CDKAL1: variants seen among roughly 807,000 people sequenced by gnomAD.
The protein encoded by CDKAL1 is threonylcarbamoyladenosine tRNA methylthiotransferase.
Under a neutral mutation model 68.2 loss-of-function variants are expected in CDKAL1, and 32 were observed. That is an observed-to-expected ratio of 0.47 (90% CI 0.35 to 0.63). The LOEUF is 0.63. Ranked by LOEUF, CDKAL1 falls within the 30% of genes least tolerant of loss-of-function variation. The probability of loss-of-function intolerance (pLI) is 0.00; values close to 1 mark genes in which losing one functional copy is unlikely to be tolerated. For missense variants in CDKAL1, 606 were observed against 696.7 expected (o/e 0.87, Z 1.47); for synonymous variants, 234 against 244.3 (o/e 0.96, Z 0.39).
chr6:21,013,669 C>T (rs1768143817), intron 11 of CDKAL1, among the ~76,000 whole-genome samples: 1 of 152,196 alleles, frequency 6.6e-6, no homozygotes, highest in Non-Finnish European at 1.5e-5. Flanking sequence ...CTTCCAAGTT[C>T]TGCAGGGGAC....
chr6:21,135,161 G>A (rs1467028395), intron 13 of CDKAL1, among the ~76,000 whole-genome samples: 2 of 152,130 alleles, frequency 1.3e-5, no homozygotes, highest in African/African-American at 2.4e-5. Context: ...TTAAAAACAG[G>A]TTCATACTGA....
intron 13 of CDKAL1, among the ~76,000 whole-genome samples, chr6:21,141,497 C>T (rs28665959): frequency 3.3e-5 from 5 of 152,186 alleles, no homozygotes; most frequent in Non-Finnish European, 5.9e-5. Flanking sequence ...TATGTCCCCG[C>T]GATTCACTCA....
intron 5 of CDKAL1, among the ~76,000 whole-genome samples, chr6:20,707,368 C>T (rs142737168): frequency 6.6e-6 from 1 of 152,242 alleles, no homozygotes; most frequent in African/African-American, 2.4e-5. Context: ...AAAACAAATC[C>T]TTTTAAAAGT....
At chr6:20,839,573 G>T (rs1778092507) in intron 8 of CDKAL1, among the ~76,000 whole-genome samples, 1 of 152,024 alleles carries the variant, frequency 6.6e-6, no homozygotes. Flanking sequence ...TTCTCTTGTT[G>T]CATAGTCTGC....
At chr6:20,696,236 A>C (rs1290307829) in intron 5 of CDKAL1, among the ~76,000 whole-genome samples, 1 of 152,244 alleles carries the variant, frequency 6.6e-6, no homozygotes, top group Non-Finnish European at 1.5e-5. Flanking sequence ...ACTGATTTTA[A>C]GAAGTCGTCT....
chr6:20,798,139 ATT>A (rs1438834598), intron 8 of CDKAL1, among the ~76,000 whole-genome samples: 1 of 151,942 alleles, frequency 6.6e-6, no homozygotes, highest in Non-Finnish European at 1.5e-5. Flanking sequence ...TTTATATGAC[ATT>A]TTCAAAAAGA....
intron 8 of CDKAL1, among the ~76,000 whole-genome samples, chr6:20,783,730 G>C (rs977603876): frequency 2.6e-5 from 4 of 152,138 alleles, no homozygotes; most frequent in African/African-American, 9.7e-5. Flanking sequence ...TACACACTAT[G>C]TCATTTGTAT....
At chr6:20,795,234 G>A (rs1776061784) in intron 8 of CDKAL1, among the ~76,000 whole-genome samples, 1 of 152,074 alleles carries the variant, frequency 6.6e-6, no homozygotes, top group Non-Finnish European at 1.5e-5. Context: ...CAATAAAAAT[G>A]TTTTTACGAC....
At chr6:21,143,473 A>G (rs968440388) in intron 13 of CDKAL1, among the ~76,000 whole-genome samples, 6 of 152,192 alleles carry the variant, frequency 3.9e-5, no homozygotes, top group African/African-American at 1.4e-4. Context: ...GAGGGTGACT[A>G]GCAGCCTTAG....
At chr6:20,956,059 G>C (rs1351626310) in intron 10 of CDKAL1, among the ~76,000 whole-genome samples, 1 of 152,188 alleles carries the variant, frequency 6.6e-6, no homozygotes. Flanking sequence ...ATACATAGGG[G>C]TGAAGTTGAA....
chr6:20,756,176 T>G (rs2150345467), intron 6 of CDKAL1: 1 of 152,316 alleles, frequency 6.6e-6, no homozygotes, highest in South Asian at 2.1e-4. Context: ...TACAGCTCCT[T>G]TGCCTACTGC....
intron 4 of CDKAL1, among the ~76,000 whole-genome samples, chr6:20,561,446 G>GAA (rs55750789): frequency 1.3e-3 from 107 of 79,614 alleles, no homozygotes; most frequent in South Asian, 3.3e-3. Context: ...TCTCAAAAAA[G>GAA]AAAAAAAAAA....
intron 13 of CDKAL1, among the ~76,000 whole-genome samples, chr6:21,189,199 AC>A (rs1285140447): frequency 2.0e-5 from 3 of 152,308 alleles, no homozygotes; most frequent in South Asian, 4.1e-4. Flanking sequence ...ATTCAGTAGA[AC>A]TGCCTCGGGC....
At chr6:21,093,683 T>G (rs965900398) in intron 12 of CDKAL1, among the ~76,000 whole-genome samples, 1 of 144,502 alleles carries the variant, frequency 6.9e-6, no homozygotes, top group Non-Finnish European at 1.5e-5. Flanking sequence ...CCAACTGAGC[T>G]GCTGCTGCTG....
intron 11 of CDKAL1, among the ~76,000 whole-genome samples, chr6:21,002,016 T>C (rs1767450012): frequency 6.6e-6 from 1 of 152,216 alleles, no homozygotes; most frequent in African/African-American, 2.4e-5. Flanking sequence ...CTTTATTTGG[T>C]TGAGGGCTGA....
At chr6:20,585,306 C>T (rs1765304873) in intron 4 of CDKAL1, among the ~76,000 whole-genome samples, 1 of 152,154 alleles carries the variant, frequency 6.6e-6, no homozygotes, top group African/African-American at 2.4e-5. Context: ...CCCGCCTTGG[C>T]CTCCCAAAGT....
At chr6:20,914,163 G>C (rs553190832) in intron 9 of CDKAL1, among the ~76,000 whole-genome samples, 1 of 151,774 alleles carries the variant, frequency 6.6e-6, no homozygotes, top group African/African-American at 2.4e-5. Context: ...GGTGGCAGGC[G>C]CCTGTAGTCC....
At chr6:20,879,484 T>G (rs1045779039) in intron 9 of CDKAL1, among the ~76,000 whole-genome samples, 2 of 152,268 alleles carry the variant, frequency 1.3e-5, no homozygotes, top group East Asian at 1.9e-4. Flanking sequence ...ACAACCTTTT[T>G]GGATTATCAT....
rs9358389 is a variant in CDKAL1, at chr6:21,096,392, A to T, written c.1237-12009A>T. Among the ~76,000 whole-genome samples the T allele has an allele frequency of 0.029, 4,399 of 152,204 alleles. 352 individuals are homozygous for T. The East Asian group carries it at 0.32, about 11-fold the overall frequency. ...ATTAATAGAGTTTGCGCAGATCCAG[A>T]CTCTGTTTTCGCAATACTGGGCTCA... On this transcript the variant is annotated intron_variant, in intron 12 of 15. Transcript: ENST00000274695.
Sources: allele counts gnomAD v4.1 joint callset (sites outside exome capture counted in the v4.1 genomes callset), GRCh38; gene constraint gnomAD v4.1.1; transcripts MANE v1.5; gene names NCBI Gene and HGNC (gene_info 2026-07-23, HGNC 2026-07-21).